DSG2: variants seen among roughly 807,000 people sequenced by gnomAD.
The protein encoded by DSG2 is desmoglein 2, also known as desmoglein-2.
Under a neutral mutation model 75.6 loss-of-function variants are expected in DSG2, and 45 were observed. The observed-to-expected ratio is 0.60, with a 90% CI of 0.47 to 0.76. The LOEUF (loss-of-function observed/expected upper bound fraction) is 0.76. DSG2 is among the 30% of genes least tolerant of loss of function. The pLI is 0.00. For missense variants in DSG2, 1,267 were observed against 1,357.4 expected, an observed-to-expected ratio of 0.93 and a Z score of 1.05; for synonymous variants, 429 against 483.9, an observed-to-expected ratio of 0.89 and a Z score of 1.49.
chr18:31,538,939 G>A lies in DSG2; in HGVS notation c.1840G>A (p.Ala614Thr). 6.2e-7 allele frequency: 1 copy of A among 1,614,028 alleles called. No individual in the cohort carries two copies. Among genetic ancestry groups the A allele is most frequent in the South Asian group, 1.1e-5 (1 of 91,072 alleles). The change falls in exon 12 of 15, where the codon GCA becomes ACA. Residue 614 changes from alanine (A) to threonine (T), a missense_variant. Ala to Thr is a moderately conservative substitution (Grantham distance 58, BLOSUM62 0). Transcript: ENST00000261590. Reference protein sequence around the residue: ...HDSYVGLGPAAIALMILAFLL... With the variant: ...HDSYVGLGPATIALMILAFLL... Reference sequence around the variant, plus strand: ...CTCCTATGTGGGCCTGGGACCCGCAGCAATTGCGCTCATGATTTTGGCCTT... The same window carrying A: ...CTCCTATGTGGGCCTGGGACCCGCAACAATTGCGCTCATGATTTTGGCCTT...
intron 1 of DSG2, among the ~76,000 whole-genome samples, chr18:31,515,417 A>T (rs1181780258): frequency 1.3e-5 from 2 of 152,110 alleles, no homozygotes; most frequent in Non-Finnish European, 1.5e-5. Flanking sequence ...AATATACTAA[A>T]TTTTAAGGCT....
At chr18:31,538,151 A>G (rs1567931399) in intron 11 of DSG2, among the ~76,000 whole-genome samples, 1 of 152,222 alleles carries the variant, frequency 6.6e-6, no homozygotes, top group Non-Finnish European at 1.5e-5. Context: ...CAAAGAAAGC[A>G]TTGTTGCAAA....
chr18:31,530,038 G>A (rs900820923), intron 8 of DSG2, among the ~76,000 whole-genome samples: 1 of 152,090 alleles, frequency 6.6e-6, no homozygotes, highest in Non-Finnish European at 1.5e-5. Flanking sequence ...GTAATGAACT[G>A]ATTATTTCAA....
At position 31,546,886 on chromosome 18, in the gene DSG2, T is replaced by C. The variant is rs997183562; in HGVS notation, c.*143T>C. The C allele has an allele frequency of 1.1e-5, 9 of 836,882 alleles. No homozygotes were observed. The highest frequency in any genetic ancestry group is 3.4e-5 in the African/African-American group (2 of 59,224). 51.8% of individuals were successfully genotyped at this position (836,882 alleles called of 1,614,324 possible). On this transcript the variant is annotated 3_prime_UTR_variant, in exon 15 of 15. Coordinates refer to ENST00000261590, the MANE Select transcript of DSG2 (RefSeq NM_001943.5). ...TTAAAATTTTTCTCAGTCACTGATA[T>C]GCAAAGGACCACACTGTCTCTGCTT...
In DSG2 at chr18:31,541,179, T is replaced by A; in HGVS notation, c.1880-14T>A. ...AGGTTAACCTTATCTGTGTTCAATTTTGTGTCTGTACAGTGGTACCACTTT... is the reference window on the plus strand; with the variant it reads ...AGGTTAACCTTATCTGTGTTCAATTATGTGTCTGTACAGTGGTACCACTTT... On this transcript the variant is annotated splice_polypyrimidine_tract_variant and intron_variant, in intron 12 of 14. Transcript: ENST00000261590. The A allele has an allele frequency of 6.2e-7, 1 of 1,614,158 alleles. No individual in the cohort carries two copies. Among genetic ancestry groups the A allele is most frequent in the African/African-American group, 1.3e-5 (1 of 75,060 alleles).
intron 1 of DSG2, among the ~76,000 whole-genome samples, chr18:31,503,267 A>G (rs1393921033): frequency 6.6e-6 from 1 of 152,222 alleles, no homozygotes; most frequent in Non-Finnish European, 1.5e-5. Context: ...GAAGAGTAAT[A>G]ATAGAGAAAC....
At chr18:31,538,692 T>C (rs1271375435) in intron 11 of DSG2, 59 bp from the exon 12 acceptor site, 3 of 1,337,296 alleles carry the variant, frequency 2.2e-6, no homozygotes, top group African/African-American at 2.9e-5. Flanking sequence ...TGGAATTTAA[T>C]GTTGCCTCAT....
In DSG2 at chr18:31,521,222, G is replaced by C; in HGVS notation, c.502G>C (p.Val168Leu). 1 of 1,611,140 alleles carries C rather than the reference G, an allele frequency of 6.2e-7. No homozygotes were observed. The highest frequency in any genetic ancestry group is 8.5e-7 in the Non-Finnish European group (1 of 1,179,078). Residue 168 changes from valine to leucine, a missense_variant, in exon 5 of 15, where the codon GTT becomes CTT. Val to Leu is a conservative substitution (Grantham distance 32). Transcript: ENST00000261590. ...CACACAGGATGTCTTTGTTGGGTCTGTTGAAGAGTTGAGTGCAGCACGTAA... is the reference window on the plus strand; with the variant it reads ...CACACAGGATGTCTTTGTTGGGTCTCTTGAAGAGTTGAGTGCAGCACGTAA... ...VFTQDVFVGS[V>L]EELSAAHTLV...
Position 31,546,584 on chromosome 18 carries a change from A to G in DSG2, c.3198A>G (p.Glu1066=), listed in dbSNP as rs727504601. ...TLQSSYQIPT[E]NSMTARNTTV... ...AATCCAGTTACCAGATTCCCACTGA[A>G]AATTCTATGACGGCTAGGAACACCA... Residue 1066 remains glutamate, a synonymous_variant, in exon 15 of 15, where the codon GAA becomes GAG. Coordinates refer to ENST00000261590, the MANE Select transcript of DSG2 (RefSeq NM_001943.5). 3.7e-6 allele frequency: 6 copies of G among 1,614,200 alleles called. No individual in the cohort carries two copies. The highest frequency in any genetic ancestry group is 5.1e-6 in the Non-Finnish European group (6 of 1,180,024).
At chr18:31,521,738 G>A (rs1384207388) in intron 5 of DSG2, among the ~76,000 whole-genome samples, 5 of 152,226 alleles carry the variant, frequency 3.3e-5, no homozygotes, top group African/African-American at 9.6e-5. Context: ...GAATAGTTAC[G>A]CTTCTCCTGA....
At chr18:31,498,433 G>A (rs2072995965) in intron 1 of DSG2, 137 bp downstream of exon 1, 2 of 994,936 alleles carry the variant, frequency 2.0e-6, no homozygotes, top group East Asian at 3.4e-5. Context: ...GCCCGAGGGG[G>A]GAAAAGGGCC....
At chr18:31,540,357 C>T (rs2073258370) in intron 12 of DSG2, among the ~76,000 whole-genome samples, 1 of 152,166 alleles carries the variant, frequency 6.6e-6, no homozygotes, top group African/African-American at 2.4e-5. Flanking sequence ...TATACAGATA[C>T]ATAACGGTAA....
chr18:31,535,871 C>A (rs1354738649), intron 10 of DSG2, among the ~76,000 whole-genome samples: 1 of 151,836 alleles, frequency 6.6e-6, no homozygotes, highest in South Asian at 2.1e-4. Context: ...AACACTTGAG[C>A]CCAGGAGTTT....
chr18:31,508,583 G>A (rs1421406100), intron 1 of DSG2, among the ~76,000 whole-genome samples: 2 of 151,816 alleles, frequency 1.3e-5, no homozygotes, highest in African/African-American at 4.8e-5. Flanking sequence ...TAGTAGAGAT[G>A]GAGTTTCACC....
chr18:31,508,748 C>G (rs1248585876), intron 1 of DSG2, among the ~76,000 whole-genome samples: 1 of 152,178 alleles, frequency 6.6e-6, no homozygotes, highest in Non-Finnish European at 1.5e-5. Context: ...ACACATCTGT[C>G]TGTAACTAGG....
At chr18:31,516,893 C>A (rs1326585538) in intron 1 of DSG2, among the ~76,000 whole-genome samples, 2 of 152,206 alleles carry the variant, frequency 1.3e-5, no homozygotes, top group African/African-American at 2.4e-5. Flanking sequence ...GAACTGTGTG[C>A]AGCGGTGGAA....
chr18:31,535,672 T>C (rs1232720131), intron 10 of DSG2, among the ~76,000 whole-genome samples: 1 of 151,650 alleles, frequency 6.6e-6, no homozygotes. Context: ...CATGCATCTG[T>C]AGTCCCAGCT....
chr18:31,521,443 G>A (rs1193489596), intron 5 of DSG2, among the ~76,000 whole-genome samples, 200 bp downstream of exon 5: 3 of 152,036 alleles, frequency 2.0e-5, no homozygotes, highest in African/African-American at 4.8e-5. Context: ...AGAACAGATA[G>A]GGTAGATTAA....
In DSG2 at chr18:31,522,916, C is replaced by T. The variant is rs954139993; in HGVS notation, c.690+667C>T. On this transcript the variant is annotated intron_variant, in intron 6 of 14. Transcript: ENST00000261590. ...AGGTTTACTAGGAAGGCATTTCTCT[C>T]GAACATTTCACTTTATTATTTCTAA... Among the ~76,000 whole-genome samples, 6 of 152,068 alleles carry T rather than the reference C, an allele frequency of 3.9e-5. 1 individual carries two copies. The highest frequency in any genetic ancestry group is 4.1e-4 in the South Asian group (2 of 4,824).
Sources: allele counts gnomAD v4.1 joint callset (sites outside exome capture counted in the v4.1 genomes callset), GRCh38; gene constraint gnomAD v4.1.1; transcripts MANE v1.5; gene names NCBI Gene and HGNC (gene_info 2026-07-23, HGNC 2026-07-21).